Variants in PBX1 observed in about 807,000 individuals in gnomAD.
PBX1 encodes PBX homeobox 1, also known as pre-B-cell leukemia transcription factor 1.
Under a neutral mutation model 53.4 loss-of-function variants are expected in PBX1, and 6 were observed. That is an observed-to-expected ratio of 0.11 (90% CI 0.06 to 0.22). The LOEUF (loss-of-function observed/expected upper bound fraction) is 0.22, where lower values mean the gene tolerates loss of function less well. PBX1 is among the 10% of genes least tolerant of loss of function. PBX1 has a pLI of 1.00. For missense variants in PBX1, 251 were observed against 551.4 expected, an observed-to-expected ratio of 0.46 and a Z score of 5.46; for synonymous variants, 204 against 212.3, an observed-to-expected ratio of 0.96 and a Z score of 0.34.
At chr1:164,731,899 C>T (rs1223255479) in intron 2 of PBX1, among the ~76,000 whole-genome samples, 1 of 152,132 alleles carries the variant, frequency 6.6e-6, no homozygotes, top group Admixed American at 6.5e-5. Flanking sequence ...AGCTTCCTGA[C>T]CTTCCAGCAT....
intron 2 of PBX1, among the ~76,000 whole-genome samples, chr1:164,594,356 A>C (rs574957552): frequency 2.0e-5 from 3 of 152,144 alleles, no homozygotes; most frequent in African/African-American, 7.2e-5. Context: ...GTGCAATGGC[A>C]TGATCTCGGC....
intron 2 of PBX1, among the ~76,000 whole-genome samples, chr1:164,782,899 C>T (rs1488680754): frequency 6.6e-6 from 1 of 152,208 alleles, no homozygotes; most frequent in East Asian, 1.9e-4. Context: ...CACCCAGAAT[C>T]AAAACTTAAA....
At chr1:164,797,784 C>T (rs924615469) in intron 3 of PBX1, among the ~76,000 whole-genome samples, 1 of 152,200 alleles carries the variant, frequency 6.6e-6, no homozygotes, top group African/African-American at 2.4e-5. Flanking sequence ...TATAGTAACT[C>T]ATTTAATCCT....
intron 2 of PBX1, among the ~76,000 whole-genome samples, chr1:164,611,868 C>A (rs1656957672): frequency 6.6e-6 from 1 of 152,122 alleles, no homozygotes; most frequent in Non-Finnish European, 1.5e-5. Context: ...TCGCATCTCA[C>A]TTTACCTCCA....
At chr1:164,884,685 GA>G in intron 2 of PBX1, 1 of 326,104 alleles carries the variant, frequency 3.1e-6, no homozygotes, top group East Asian at 5.7e-5. Context: ...GAAGCAAAAG[GA>G]TACCTGCTGG....
At chr1:164,752,746 G>A (rs941753064) in intron 2 of PBX1, among the ~76,000 whole-genome samples, 2 of 152,174 alleles carry the variant, frequency 1.3e-5, no homozygotes, top group African/African-American at 2.4e-5. Flanking sequence ...TTTTGATGTG[G>A]ATAGGAGTGC....
intron 2 of PBX1, among the ~76,000 whole-genome samples, chr1:164,689,167 A>G (rs1211296040): frequency 6.6e-6 from 1 of 152,246 alleles, no homozygotes; most frequent in African/African-American, 2.4e-5. Context: ...ACACCTTCCC[A>G]AAGTGAAATG....
intron 8 of PBX1, among the ~76,000 whole-genome samples, chr1:164,826,127 C>T (rs1670446489): frequency 6.6e-6 from 1 of 152,310 alleles, no homozygotes; most frequent in Admixed American, 6.5e-5. Context: ...AGCTCTCTTT[C>T]AGCTCAACAG....
At chr1:164,853,771 C>A (rs1251630678), downstream of PBX1, among the ~76,000 whole-genome samples, 1 of 152,060 alleles carries the variant, frequency 6.6e-6, no homozygotes, top group Non-Finnish European at 1.5e-5. Flanking sequence ...TCAAGTCTGG[C>A]AGCCAGCAGT....
intron 7 of PBX1, among the ~76,000 whole-genome samples, chr1:164,821,047 G>A (rs1670129801): frequency 6.6e-6 from 1 of 152,260 alleles, no homozygotes; most frequent in East Asian, 1.9e-4. Context: ...CTAAACAACT[G>A]GCCATCACTT....
chr1:164,833,955 C>T (rs932034585), intron 8 of PBX1, among the ~76,000 whole-genome samples: 7 of 148,530 alleles, frequency 4.7e-5, no homozygotes, highest in East Asian at 3.9e-4. Context: ...ATTTATATTG[C>T]ATACCCTATA....
At chr1:164,684,122 ATTAT>A (rs1451609123) in intron 2 of PBX1, 2 of 152,158 alleles carry the variant, frequency 1.3e-5, no homozygotes, top group East Asian at 1.9e-4. Flanking sequence ...CCAGCCTGTA[ATTAT>A]TCTAAAGATT....
At chr1:164,675,054 A>T (rs1192499989) in intron 2 of PBX1, among the ~76,000 whole-genome samples, 11 of 152,184 alleles carry the variant, frequency 7.2e-5, no homozygotes, top group Non-Finnish European at 2.9e-5. Context: ...TAAGATAAGG[A>T]AACTGAGCTT....
chr1:164,764,201 G>A (rs541020411), intron 2 of PBX1, among the ~76,000 whole-genome samples: 1 of 152,116 alleles, frequency 6.6e-6, no homozygotes. Flanking sequence ...TTCTATATCA[G>A]TTGCCCTAAA....
In PBX1 at chr1:164,849,004, G is replaced by A. The variant is rs1474421509; in HGVS notation, c.*2328G>A. ...CCCTAATCAGAACAGATGCCTAGAAGGAGCATTTTTGTGACAACTTCATAG... is the reference window on the plus strand; with the variant it reads ...CCCTAATCAGAACAGATGCCTAGAAAGAGCATTTTTGTGACAACTTCATAG... On this transcript the variant is annotated 3_prime_UTR_variant, in exon 9 of 9. Transcript: ENST00000420696. 1.0e-5 allele frequency: 12 copies of A among 1,166,304 alleles called. No homozygotes were observed. The highest frequency in any genetic ancestry group is 1.3e-5 in the Non-Finnish European group (12 of 941,966). The allele number at this position is 1,166,304 out of a possible 1,614,324, so 72.2% of individuals were successfully genotyped here. A position where few individuals can be genotyped will look rare whatever the true frequency, so the allele number is the denominator to read the frequency against.
chr1:164,824,342 C>T (rs925811306), intron 8 of PBX1, among the ~76,000 whole-genome samples: 6 of 152,078 alleles, frequency 3.9e-5, no homozygotes, highest in African/African-American at 1.2e-4. Flanking sequence ...CTCATGTGCC[C>T]GTGGGCAAAT....
At chr1:164,611,584 C>T (rs1209546386) in intron 2 of PBX1, among the ~76,000 whole-genome samples, 1 of 151,858 alleles carries the variant, frequency 6.6e-6, no homozygotes, top group Non-Finnish European at 1.5e-5. Context: ...ATCACTGGGG[C>T]TCAGTTCTCT....
intron 2 of PBX1, among the ~76,000 whole-genome samples, chr1:164,716,730 A>G (rs1401372589): frequency 6.9e-6 from 1 of 144,964 alleles, no homozygotes; most frequent in Non-Finnish European, 1.5e-5. Flanking sequence ...ACACACACAC[A>G]GAAATACACG....
At chr1:164,584,296 G>A (rs903435881) in intron 2 of PBX1, among the ~76,000 whole-genome samples, 1 of 152,036 alleles carries the variant, frequency 6.6e-6, no homozygotes, top group Non-Finnish European at 1.5e-5. Flanking sequence ...GAGCACAGGA[G>A]TTCTAGTCCG....
Sources: gnomAD v4.1 joint callset for allele counts (sites outside exome capture counted in the v4.1 genomes callset) on GRCh38, gnomAD v4.1.1 for gene constraint, MANE v1.5 for transcripts, NCBI Gene and HGNC (gene_info 2026-07-23, HGNC 2026-07-21) for gene names.